Variants in RSF1 observed in about 807,000 individuals in gnomAD.
RSF1 encodes remodeling and spacing factor 1, also known as HBV pX-associated protein 8.
Under a neutral mutation model 145.2 loss-of-function variants are expected in RSF1, and 13 were observed. The ratio of observed to expected loss-of-function variants is 0.09; its 90% confidence interval spans 0.06 to 0.14. The LOEUF is 0.14. RSF1 is among the 10% of genes least tolerant of loss of function. The probability of loss-of-function intolerance (pLI) is 1.00; values close to 1 mark genes in which losing one functional copy is unlikely to be tolerated. For missense variants in RSF1, 1,517 were observed against 1,718.2 expected (o/e 0.88, Z 2.07); for synonymous variants, 577 against 592.6 (o/e 0.97, Z 0.38).
chr11:77,724,890 G>C (rs74761270), intron 5 of RSF1, among the ~76,000 whole-genome samples: 1,955 of 152,280 alleles, frequency 0.013, 44 homozygotes, highest in African/African-American at 0.043. Flanking sequence ...GTTCCTAACA[G>C]GTTACAGACT....
intron 4 of RSF1, among the ~76,000 whole-genome samples, chr11:77,726,724 C>T (rs1961062310): frequency 6.6e-6 from 1 of 152,114 alleles, no homozygotes; most frequent in South Asian, 2.1e-4. Context: ...TGTAAATACC[C>T]CTGATTCAAA....
At chr11:77,797,967 C>T (rs74948477) in intron 1 of RSF1, among the ~76,000 whole-genome samples, 136 of 152,250 alleles carry the variant, frequency 8.9e-4, no homozygotes, top group African/African-American at 2.9e-3. Flanking sequence ...TACCATCTCA[C>T]GCCAGTTAGA....
intron 1 of RSF1, among the ~76,000 whole-genome samples, chr11:77,814,349 A>T (rs1366585094): frequency 1.3e-5 from 2 of 152,112 alleles, no homozygotes; most frequent in Non-Finnish European, 1.5e-5. Context: ...AAAAATTTTT[A>T]AAAATTAGCT....
At chr11:77,862,329 A>T in the RSF1 span, among the ~76,000 whole-genome samples, 6 of 152,234 alleles carry the variant, frequency 3.9e-5, no homozygotes, top group African/African-American at 9.6e-5. Flanking sequence ...CAGTAACATT[A>T]TATCTCCATG....
intron 5 of RSF1, among the ~76,000 whole-genome samples, chr11:77,709,477 T>C (rs1565156032): frequency 1.3e-5 from 2 of 152,120 alleles, no homozygotes; most frequent in African/African-American, 4.8e-5. Flanking sequence ...AGGTGAAATA[T>C]CACCTGTGTC....
chr11:77,687,619 A>G (rs1051514685), intron 9 of RSF1, among the ~76,000 whole-genome samples: 6 of 152,170 alleles, frequency 3.9e-5, no homozygotes, highest in African/African-American at 1.4e-4. Flanking sequence ...AGGTGGGAGG[A>G]TCACTTAAAG....
rs561992981 is a variant in RSF1 at position 77,706,963 on chromosome 11, A to G, written c.734-4468T>C. On this transcript the variant is annotated intron_variant, in intron 5 of 15. Coordinates refer to ENST00000308488, the MANE Select transcript of RSF1 (RefSeq NM_016578.4). ...AGGCAAGCACTCAATGTTTGCCAAT[A>G]TTATTATATTATAGGCAAGATCTTA... Among the ~76,000 whole-genome samples, 8 of 152,246 alleles carry G rather than the reference A, an allele frequency of 5.3e-5. No individual in the cohort carries two copies. The South Asian group carries it at 1.7e-3, about 32-fold the overall frequency.
chr11:77,685,333 T>C (rs1310430354), intron 9 of RSF1, among the ~76,000 whole-genome samples, 174 bp from the exon 10 acceptor site: 1 of 152,220 alleles, frequency 6.6e-6, no homozygotes, highest in Non-Finnish European at 1.5e-5. Flanking sequence ...TCTCACTCTC[T>C]TGCCCAGGGT....
intron 2 of RSF1, among the ~76,000 whole-genome samples, chr11:77,755,412 T>G (rs1329763155): frequency 6.6e-6 from 1 of 152,204 alleles, no homozygotes; most frequent in African/African-American, 2.4e-5. Flanking sequence ...GGAAAAATGC[T>G]TTTAACTAAG....
At chr11:77,719,468 T>TG (rs2135878874) in intron 5 of RSF1, among the ~76,000 whole-genome samples, 1 of 152,216 alleles carries the variant, frequency 6.6e-6, no homozygotes, top group African/African-American at 2.4e-5. Context: ...TATGGCAAAA[T>TG]GGAGTGTAAA....
rs772222628 is a variant in RSF1, at chr11:77,698,699, A to G, written c.2509-6T>C. On this transcript the variant is annotated splice_region_variant and splice_polypyrimidine_tract_variant and intron_variant, in intron 6 of 15. Coordinates refer to ENST00000308488, the MANE Select transcript of RSF1 (RefSeq NM_016578.4). Reference sequence around the variant, plus strand: ...ACTTTGCCTTTGGGTTTTACCTTGTATAAAATAAAAAAAATTGGGATAATT... The same window carrying G: ...ACTTTGCCTTTGGGTTTTACCTTGTGTAAAATAAAAAAAATTGGGATAATT... The G allele has an allele frequency of 2.5e-6, 4 of 1,610,466 alleles. No individual in the cohort carries two copies. Among genetic ancestry groups the G allele is most frequent in the Non-Finnish European group, 3.4e-6 (4 of 1,177,620 alleles).
Position 77,701,389 on chromosome 11 carries a change from T to C in RSF1, c.1840A>G (p.Thr614Ala), listed in dbSNP as rs748974803. 1.2e-6 allele frequency: 2 copies of C among 1,613,856 alleles called. No homozygotes were observed. The highest frequency in any genetic ancestry group is 2.7e-5 in the African/African-American group (2 of 74,882). Residue 614 changes from threonine to alanine, a missense_variant, in exon 6 of 16, where the codon ACT becomes GCT. By Grantham distance (58) the Thr-to-Ala change is moderately conservative. Coordinates refer to ENST00000308488, the MANE Select transcript of RSF1 (RefSeq NM_016578.4). Reference sequence around the variant, plus strand: ...GAGCCAGGCTTTTCTGACTCTAGAGTACTCTTTGGAACTTCTTCTGGTATT... The same window carrying C: ...GAGCCAGGCTTTTCTGACTCTAGAGCACTCTTTGGAACTTCTTCTGGTATT... ...SPIPEEVPKS[T>A]LESEKPGSPE...
chr11:77,740,062 T>C (rs753005545), intron 4 of RSF1, among the ~76,000 whole-genome samples: 2 of 152,238 alleles, frequency 1.3e-5, no homozygotes, highest in Non-Finnish European at 2.9e-5. Context: ...TAATTAGAAC[T>C]AGTTAATGCT....
intron 2 of RSF1, among the ~76,000 whole-genome samples, chr11:77,749,060 C>T (rs1490923007): frequency 6.6e-6 from 1 of 152,106 alleles, no homozygotes; most frequent in Non-Finnish European, 1.5e-5. Context: ...ACACAAAAGG[C>T]CACATATTGC....
chr11:77,740,444 G>A (rs528584687), intron 4 of RSF1, among the ~76,000 whole-genome samples: 7 of 152,304 alleles, frequency 4.6e-5, no homozygotes, highest in South Asian at 4.1e-4. Flanking sequence ...GTCTAACAAT[G>A]TATTTTTCTG....
Position 77,698,571 on chromosome 11 carries a change from C to T in RSF1, c.2631G>A (p.Glu877=), listed in dbSNP as rs1432383419. The T allele has an allele frequency of 1.2e-6, 2 of 1,614,104 alleles. No homozygotes were observed. Among genetic ancestry groups the T allele is most frequent in the Admixed American group, 3.3e-5 (2 of 60,006 alleles). ...TGGCTTCTTCACTTTCCTTTTCTTC[C>T]TCCTCTTCTGAAGCTGCAGATGATT... The part of the protein sequence containing the change: ...SEKSSAASEE[E]EEKESEEAIL... The change falls in exon 7 of 16, where the codon GAG becomes GAA. Residue 877 remains glutamate, a synonymous_variant. Coordinates refer to ENST00000308488, the MANE Select transcript of RSF1 (RefSeq NM_016578.4).
At chr11:77,798,581 T>TAAAAAAAAAAAAAAAAAA (rs543236647) in intron 1 of RSF1, among the ~76,000 whole-genome samples, 1 of 24,462 alleles carries the variant, frequency 4.1e-5, no homozygotes, top group African/African-American at 1.3e-4. Context: ...GACTCCATCT[T>TAAAAAAAAAAAAAAAAAA]AAAAAAAAAA....
intron 5 of RSF1, among the ~76,000 whole-genome samples, chr11:77,714,116 T>C (rs983764716): frequency 6.6e-6 from 1 of 152,204 alleles, no homozygotes; most frequent in Non-Finnish European, 1.5e-5. Context: ...TCCCATAAAT[T>C]TATTTGAACC....
At chr11:77,808,356 C>CACA (rs34178860) in intron 1 of RSF1, among the ~76,000 whole-genome samples, 151,224 of 151,670 alleles carry the variant, frequency 1, 75,392 homozygotes, top group Middle Eastern at 1. Context: ...CAAACAAAAA[C>CACA]ACAACAACAG....
Sources: allele counts gnomAD v4.1 joint callset (sites outside exome capture counted in the v4.1 genomes callset), GRCh38; gene constraint gnomAD v4.1.1; transcripts MANE v1.5; gene names NCBI Gene and HGNC (gene_info 2026-07-23, HGNC 2026-07-21).